The following XPO1 variants were observed in gnomAD, a reference collection of about 807,000 sequenced individuals.
XPO1 encodes the protein exportin 1.
In XPO1, 5 loss-of-function variants were observed where a neutral mutation model predicts 133.3. The observed-to-expected ratio is 0.04, with a 90% confidence interval of 0.02 to 0.08. The LOEUF is 0.08. Among genes scored for constraint, XPO1 ranks in the 10% least tolerant of loss-of-function variants. The pLI is 1.00. For synonymous variants in XPO1, 419 were observed against 408.2 expected, an observed-to-expected ratio of 1.03 and a Z score of -0.32; for missense variants, 506 against 1,267.5, an observed-to-expected ratio of 0.40 and a Z score of 9.12.
At chr2:61,482,597 GTTT>G (rs559624707) in intron 22 of XPO1, 58 bp from the exon 23 acceptor site, 16 of 1,195,068 alleles carry the variant, frequency 1.3e-5, no homozygotes, top group South Asian at 5.2e-5. Context: ...AGATCTTAGC[GTTT>G]TTTTTTGTTT....
At chr2:61,479,066 T>C (rs1696196867) in intron 24 of XPO1, 100 bp from the exon 25 acceptor site, 1 of 1,381,912 alleles carries the variant, frequency 7.2e-7, no homozygotes, top group African/African-American at 1.5e-5. Context: ...GGAAGGAATA[T>C]AAATTATCCA....
In XPO1 at chr2:61,478,719, T is replaced by G; in HGVS notation, c.*101A>C. On this transcript the variant is annotated 3_prime_UTR_variant, in exon 25 of 25. Transcript: ENST00000401558. ...TAAGAAAAAGGGCCACTAGGTGACA[T>G]TTTAATTTACAAATTGGCATCATTT... 1 of 1,307,362 alleles carries G rather than the reference T, an allele frequency of 7.6e-7. No homozygotes were observed. The highest frequency in any genetic ancestry group is 1.6e-5 in the South Asian group (1 of 63,914). The allele number at this position is 1,307,362 out of a possible 1,614,324, so 81.0% of individuals were successfully genotyped here. A position where few individuals can be genotyped will look rare whatever the true frequency, so the allele number is the denominator to read the frequency against.
chr2:61,518,497 G>C (rs576385695), intron 4 of XPO1, among the ~76,000 whole-genome samples: 1 of 149,728 alleles, frequency 6.7e-6, no homozygotes, highest in South Asian at 2.1e-4. Flanking sequence ...GGCGCCTGCA[G>C]TCCCAGATAC....
intron 2 of XPO1, among the ~76,000 whole-genome samples, chr2:61,528,403 G>A (rs1321503659): frequency 6.6e-6 from 1 of 151,970 alleles, no homozygotes; most frequent in Admixed American, 6.6e-5. Context: ...GGGAGGCCGA[G>A]GTGAGCAGAT....
chr2:61,531,908 A>G (rs992575892), intron 2 of XPO1, among the ~76,000 whole-genome samples: 1 of 152,242 alleles, frequency 6.6e-6, no homozygotes, highest in African/African-American at 2.4e-5. Flanking sequence ...ACAAGCTTAC[A>G]GAATCACTGC....
At position 61,497,718 on chromosome 2, in the gene XPO1, G is replaced by T. The variant is rs185954800; in HGVS notation, c.760-711C>A. 5.9e-3 allele frequency among the ~76,000 whole-genome samples: 904 copies of T among 152,220 alleles called. 5 individuals carry two copies. The highest frequency in any genetic ancestry group is 0.021 in the African/African-American group (881 of 41,524). The stretch of plus-strand genomic sequence containing the variant: ...ATTGGCTTATATATTCTATTGTTGA[G>T]AAGATAAACAGTTATCGTCTGGGGT... On this transcript the variant is annotated intron_variant, in intron 9 of 24. Transcript: ENST00000401558.
Position 61,478,209 on chromosome 2 carries a change from A to C in XPO1, c.*611T>G, listed in dbSNP as rs1696153981. 1 of 233,420 alleles carries C rather than the reference A, an allele frequency of 4.3e-6. No homozygotes were observed. Among genetic ancestry groups the C allele is most frequent in the Non-Finnish European group, 8.5e-6 (1 of 117,936 alleles). The allele number at this position is 233,420 out of a possible 1,614,324, so 14.5% of individuals were successfully genotyped here. ...AGCACACACACACAAAAACAAAAAG[A>C]ACTGTGTAAAAATAACTAACTGTGT... On this transcript the variant is annotated 3_prime_UTR_variant, in exon 25 of 25. Coordinates refer to ENST00000401558, the MANE Select transcript of XPO1 (RefSeq NM_003400.4).
intron 2 of XPO1, among the ~76,000 whole-genome samples, chr2:61,527,291 G>T (rs1321655112): frequency 7.6e-6 from 1 of 131,480 alleles, no homozygotes. Flanking sequence ...CAGTCTAGGT[G>T]ACAGGCAATG....
intron 9 of XPO1, 51 bp from the exon 10 acceptor site, chr2:61,497,058 T>G: frequency 6.4e-7 from 1 of 1,557,420 alleles, no homozygotes; most frequent in Non-Finnish European, 8.6e-7. Flanking sequence ...TGATACACAC[T>G]TTACTTAAAA....
intron 7 of XPO1, 144 bp from the exon 8 acceptor site, chr2:61,499,057 G>T: frequency 2.1e-6 from 2 of 971,204 alleles, no homozygotes; most frequent in Non-Finnish European, 2.9e-6. Context: ...CATGGCAGAA[G>T]GATTGTTTGA....
chr2:61,490,802 C>T lies in XPO1; in HGVS notation c.1888-26G>A, dbSNP rs1287750111. 8 of 1,607,750 alleles carry T rather than the reference C, an allele frequency of 5.0e-6. No individual in the cohort carries two copies. In the South Asian group the frequency reaches 6.6e-5, roughly 13 times the overall value. ...CTATTTTAAAAAGCAGACATTTTAA[C>T]GTTTATGTTATACACCCTAATAAGG... On this transcript the variant is annotated intron_variant, in intron 16 of 24. Coordinates refer to ENST00000401558, the MANE Select transcript of XPO1 (RefSeq NM_003400.4).
Position 61,482,451 on chromosome 2 carries a change from T to A in XPO1, c.2901A>T (p.Pro967=). 1 of 1,613,750 alleles carries A rather than the reference T, an allele frequency of 6.2e-7. No individual in the cohort carries two copies. Among genetic ancestry groups the A allele is most frequent in the African/African-American group, 1.3e-5 (1 of 75,038 alleles). ...CCTGAAGAAAGATTTGGTTGTTAACTGGATTTCCAGGATTTAATGATGTAC... is the reference window on the plus strand; with the variant it reads ...CCTGAAGAAAGATTTGGTTGTTAACAGGATTTCCAGGATTTAATGATGTAC... ...KISTSLNPGN[P]VNNQIFLQEY... is the part of the protein sequence containing the mutation. Residue 967 remains proline, a synonymous_variant, in exon 23 of 25, where the codon CCA becomes CCT. Coordinates refer to ENST00000401558, the MANE Select transcript of XPO1 (RefSeq NM_003400.4).
intron 4 of XPO1, among the ~76,000 whole-genome samples, chr2:61,513,963 T>A (rs1197162785): frequency 6.6e-6 from 1 of 151,914 alleles, no homozygotes; most frequent in East Asian, 1.9e-4. Context: ...GGCAGGTGGA[T>A]CACGAGGTCA....
chr2:61,487,884 T>C (rs1428836102), intron 19 of XPO1, among the ~76,000 whole-genome samples: 1 of 152,190 alleles, frequency 6.6e-6, no homozygotes, highest in African/African-American at 2.4e-5. Context: ...CTCCATTAAT[T>C]AAATCCTCCT....
chr2:61,483,202 G>T (rs2104302201), intron 21 of XPO1, 111 bp from the exon 22 acceptor site: 3 of 1,217,616 alleles, frequency 2.5e-6, no homozygotes, highest in East Asian at 2.5e-5. Flanking sequence ...CCTTTTTTTT[G>T]GGATGATGAC....
Position 61,498,882 on chromosome 2 carries a change from G to A in XPO1, c.622C>T (p.Leu208=), listed in dbSNP as rs2104494044. 1 of 1,598,540 alleles carries A rather than the reference G, an allele frequency of 6.3e-7. No individual in the cohort carries two copies. The highest frequency in any genetic ancestry group is 8.5e-7 in the Non-Finnish European group (1 of 1,173,362). ...MCNEFSQIFQ[L]CQFVMENSQN... is the part of the protein sequence containing the mutation. ...ACACTTACCATTACAAACTGACACA[G>A]TTGAAATATCTGTGAGAATTCATTG... Residue 208 remains leucine (L), a synonymous_variant, in exon 8 of 25, where the codon CTG becomes TTG. Coordinates refer to ENST00000401558, the MANE Select transcript of XPO1 (RefSeq NM_003400.4).
At chr2:61,517,845 G>A (rs937093792) in intron 4 of XPO1, among the ~76,000 whole-genome samples, 1 of 152,134 alleles carries the variant, frequency 6.6e-6, no homozygotes. Context: ...CAAGGCTGAG[G>A]CAAGAGGGCA....
intron 4 of XPO1, among the ~76,000 whole-genome samples, chr2:61,518,425 C>A (rs1039531091): frequency 4.3e-5 from 1 of 23,348 alleles, no homozygotes; most frequent in Admixed American, 3.8e-4. Context: ...AAAACACACA[C>A]ACACACACAC....
At chr2:61,481,463 T>C (rs561363607) in intron 23 of XPO1, among the ~76,000 whole-genome samples, 182 bp from the exon 24 acceptor site, 1 of 151,944 alleles carries the variant, frequency 6.6e-6, no homozygotes, top group South Asian at 2.1e-4. Context: ...AATCAAGAAT[T>C]TTTTTTTAAT....
Sources: allele counts gnomAD v4.1 joint callset (sites outside exome capture counted in the v4.1 genomes callset), GRCh38; gene constraint gnomAD v4.1.1; transcripts MANE v1.5; gene names NCBI Gene and HGNC (gene_info 2026-07-23, HGNC 2026-07-21).